Variants in CSMD1 observed in about 807,000 individuals in gnomAD.
CSMD1 encodes CUB and Sushi multiple domains 1.
In CSMD1, 213 loss-of-function variants were observed where a neutral mutation model predicts 417.5. The ratio of observed to expected loss-of-function variants is 0.51; its 90% CI spans 0.46 to 0.57. The LOEUF (loss-of-function observed/expected upper bound fraction) is 0.57. Ranked by LOEUF, CSMD1 falls within the 20% of genes least tolerant of loss-of-function variation. The pLI, the probability that CSMD1 is intolerant of heterozygous loss-of-function variation, is 0.00. For missense variants in CSMD1, 6,923 were observed against 4,529.7 expected (o/e 1.53, Z -15.17); for synonymous variants, 2,862 against 1,736.8 (o/e 1.65, Z -16.11).
intron 3 of CSMD1, among the ~76,000 whole-genome samples, chr8:4,413,264 T>C (rs1210746134): frequency 6.6e-6 from 1 of 152,196 alleles, no homozygotes; most frequent in East Asian, 1.9e-4. Context: ...TTCCTTTCCT[T>C]GAGGCTGATC....
At chr8:3,814,942 C>T (rs1209832724) in intron 5 of CSMD1, among the ~76,000 whole-genome samples, 2 of 151,984 alleles carry the variant, frequency 1.3e-5, no homozygotes, top group Non-Finnish European at 1.5e-5. Context: ...CTGAAGTCAG[C>T]CATCCCAAAA....
At chr8:3,343,590 G>A (rs887077824) in intron 22 of CSMD1, 140 bp from the exon 23 acceptor site, 4 of 695,720 alleles carry the variant, frequency 5.7e-6, no homozygotes, top group East Asian at 2.8e-5. Context: ...AAAGATAAAT[G>A]AAGGACTTAG....
At chr8:4,554,284 G>A (rs1797997239) in intron 2 of CSMD1, among the ~76,000 whole-genome samples, 1 of 152,024 alleles carries the variant, frequency 6.6e-6, no homozygotes, top group African/African-American at 2.4e-5. Context: ...CTACAGGCAT[G>A]CGTCACGATG....
chr8:3,632,389 A>G (rs1796828594), intron 7 of CSMD1, among the ~76,000 whole-genome samples: 1 of 152,042 alleles, frequency 6.6e-6, no homozygotes, highest in Admixed American at 6.6e-5. Context: ...ATTGAATCAA[A>G]ATTAAAGACT....
chr8:4,222,262 C>T (rs757906661), intron 3 of CSMD1, among the ~76,000 whole-genome samples: 19 of 152,164 alleles, frequency 1.2e-4, no homozygotes, highest in Admixed American at 9.2e-4. Context: ...TAATCTTTTC[C>T]CAGTTATGAT....
At chr8:4,959,300 A>G (rs1377953056) in intron 1 of CSMD1, among the ~76,000 whole-genome samples, 1 of 152,184 alleles carries the variant, frequency 6.6e-6, no homozygotes, top group African/African-American at 2.4e-5. Context: ...AGGTATGTTT[A>G]TTGTAGGAAT....
chr8:3,677,587 A>C (rs1799442335), intron 7 of CSMD1, among the ~76,000 whole-genome samples: 1 of 152,152 alleles, frequency 6.6e-6, no homozygotes, highest in African/African-American at 2.4e-5. Context: ...GATTCACGAA[A>C]GCCTAAGATT....
intron 49 of CSMD1, among the ~76,000 whole-genome samples, chr8:3,063,322 A>G (rs1812711635): frequency 6.6e-6 from 1 of 152,210 alleles, no homozygotes; most frequent in Non-Finnish European, 1.5e-5. Context: ...AATAAGAATA[A>G]AAACGATAGC....
chr8:4,294,148 G>A (rs767220077), intron 3 of CSMD1, among the ~76,000 whole-genome samples: 7 of 152,190 alleles, frequency 4.6e-5, no homozygotes, highest in Non-Finnish European at 7.4e-5. Context: ...GATTAACCCC[G>A]ACCAGCAGCC....
At chr8:3,668,032 C>A (rs936657000) in intron 7 of CSMD1, among the ~76,000 whole-genome samples, 1 of 152,158 alleles carries the variant, frequency 6.6e-6, no homozygotes, top group East Asian at 1.9e-4. Context: ...GCTTCTCCCC[C>A]AGTCCCCATC....
At chr8:4,019,013 C>G (rs966741569) in intron 4 of CSMD1, among the ~76,000 whole-genome samples, 1 of 152,202 alleles carries the variant, frequency 6.6e-6, no homozygotes. Context: ...TTAAAATCTA[C>G]AATTACAGTG....
chr8:4,376,728 T>A (rs1187878272), intron 3 of CSMD1, among the ~76,000 whole-genome samples: 1 of 152,244 alleles, frequency 6.6e-6, no homozygotes, highest in Non-Finnish European at 1.5e-5. Context: ...CATTTTAACT[T>A]GCACTGCTTT....
intron 7 of CSMD1, among the ~76,000 whole-genome samples, chr8:3,654,112 A>T (rs376371197): frequency 6.6e-6 from 1 of 152,196 alleles, no homozygotes; most frequent in Non-Finnish European, 1.5e-5. Context: ...TGTTGTCAGG[A>T]AACAGTGTAA....
intron 3 of CSMD1, among the ~76,000 whole-genome samples, chr8:4,150,483 T>G (rs1399370963): frequency 1.3e-5 from 2 of 152,206 alleles, no homozygotes; most frequent in African/African-American, 4.8e-5. Flanking sequence ...AACAGAATTT[T>G]TCACAACAGA....
intron 5 of CSMD1, among the ~76,000 whole-genome samples, chr8:3,860,053 C>A (rs1377792100): frequency 1.3e-5 from 2 of 151,922 alleles, no homozygotes; most frequent in East Asian, 1.9e-4. Flanking sequence ...CATGCCCTTG[C>A]GCTTTGCAGT....
At chr8:4,100,669 T>G (rs1211910984) in intron 3 of CSMD1, among the ~76,000 whole-genome samples, 1 of 152,154 alleles carries the variant, frequency 6.6e-6, no homozygotes, top group Non-Finnish European at 1.5e-5. Flanking sequence ...AAAAGGGTGC[T>G]GAAATTGCCA....
intron 25 of CSMD1, among the ~76,000 whole-genome samples, chr8:3,290,329 T>C (rs1248927074): frequency 6.8e-6 from 1 of 146,860 alleles, no homozygotes; most frequent in Non-Finnish European, 1.5e-5. Flanking sequence ...TGGTTCCATA[T>C]GAACTTTAAA....
At chr8:4,027,489 T>C (rs1797123314) in intron 4 of CSMD1, among the ~76,000 whole-genome samples, 1 of 152,152 alleles carries the variant, frequency 6.6e-6, no homozygotes. Context: ...TGAGATATGA[T>C]GGCTTTATAA....
At chr8:3,673,172 G>T (rs772142019) in intron 7 of CSMD1, among the ~76,000 whole-genome samples, 1 of 152,176 alleles carries the variant, frequency 6.6e-6, no homozygotes, top group South Asian at 2.1e-4. Context: ...TCATTAATGG[G>T]ACACAGAATC....
Sources: allele counts gnomAD v4.1 joint callset (sites outside exome capture counted in the v4.1 genomes callset), GRCh38; gene constraint gnomAD v4.1.1; transcripts MANE v1.5; gene names NCBI Gene and HGNC (gene_info 2026-07-23, HGNC 2026-07-21).